Variants in GRB10 observed in about 807,000 individuals in gnomAD.
GRB10 encodes growth factor receptor bound protein 10.
A neutral mutation model predicts 80.9 loss-of-function variants in GRB10; 20 were observed. The ratio of observed to expected loss-of-function variants is 0.25; its 90% CI spans 0.17 to 0.36. The LOEUF is 0.36. Ranked by LOEUF, GRB10 falls within the 10% of genes least tolerant of loss-of-function variation. The probability of loss-of-function intolerance (pLI) is 1.00; values close to 1 mark genes in which losing one functional copy is unlikely to be tolerated. For synonymous variants in GRB10, 291 were observed against 291.5 expected (o/e 1.00, Z 0.02); for missense variants, 548 against 747.7 (o/e 0.73, Z 3.12).
At chr7:50,666,728 C>G (rs2059844067) in intron 7 of GRB10, among the ~76,000 whole-genome samples, 2 of 152,092 alleles carry the variant, frequency 1.3e-5, no homozygotes, top group African/African-American at 4.8e-5. Flanking sequence ...TACGGAGCTA[C>G]CAAGGAGTCA....
chr7:50,608,500 T>C lies in GRB10; in HGVS notation c.1195-2086A>G, dbSNP rs181062853. 4.6e-5 allele frequency among the ~76,000 whole-genome samples: 7 copies of C among 152,240 alleles called. No homozygotes were observed. The East Asian group carries it at 1.2e-3, about 25-fold the overall frequency. ...TTTAGGAAATATTAAAGTGCAAAGA[T>C]GTAGGTGATTAAAGAGTATATAAAA... On this transcript the variant is annotated intron_variant, in intron 13 of 18. Transcript: ENST00000401949.
intron 3 of GRB10, among the ~76,000 whole-genome samples, chr7:50,744,798 C>T (rs943802505): frequency 6.6e-6 from 1 of 152,146 alleles, no homozygotes; most frequent in African/African-American, 2.4e-5. Context: ...TTTGAGCTCA[C>T]AGCAACAGTG....
chr7:50,697,244 T>C (rs1279285321), intron 5 of GRB10, among the ~76,000 whole-genome samples: 2 of 152,252 alleles, frequency 1.3e-5, no homozygotes, highest in Non-Finnish European at 2.9e-5. Context: ...ACTGTTCACA[T>C]GACCAATGCC....
intron 3 of GRB10, among the ~76,000 whole-genome samples, chr7:50,750,802 T>C (rs189619946): frequency 7.0e-4 from 107 of 152,268 alleles, no homozygotes; most frequent in African/African-American, 2.5e-3. Flanking sequence ...GGCAATGAAT[T>C]ACCCTAAGTC....
chr7:50,754,023 A>T (rs936182315), intron 3 of GRB10, among the ~76,000 whole-genome samples: 1 of 152,172 alleles, frequency 6.6e-6, no homozygotes, highest in Non-Finnish European at 1.5e-5. Context: ...CAACAAATCT[A>T]TGTCACCAAT....
intron 7 of GRB10, among the ~76,000 whole-genome samples, chr7:50,638,195 AC>A (rs1322906993): frequency 6.6e-6 from 1 of 152,192 alleles, no homozygotes; most frequent in Non-Finnish European, 1.5e-5. Context: ...CTAGGAAAAA[AC>A]TTTTGGAGTT....
In GRB10 at chr7:50,605,392, C is replaced by T; in HGVS notation, c.1287G>A (p.Glu429=). The part of the protein sequence containing the change: ...PFSTPVRSVS[E]NSLVAMDFSG... ...AAAAATCCATTGCCACGAGGGAGTTCTCGGAGACACTGCGCTGAAAAGGAA... is the reference window on the plus strand; with the variant it reads ...AAAAATCCATTGCCACGAGGGAGTTTTCGGAGACACTGCGCTGAAAAGGAA... The change falls in exon 15 of 19, where the codon GAG becomes GAA. Residue 429 remains glutamate (E), a synonymous_variant. Coordinates refer to ENST00000401949, the MANE Select transcript of GRB10 (RefSeq NM_001350814.2). 6.2e-7 allele frequency: 1 copy of T among 1,613,982 alleles called. No individual in the cohort carries two copies. The highest frequency in any genetic ancestry group is 8.5e-7 in the Non-Finnish European group (1 of 1,179,824).
intron 3 of GRB10, among the ~76,000 whole-genome samples, chr7:50,752,655 C>A (rs2074315501): frequency 6.6e-6 from 1 of 152,154 alleles, no homozygotes; most frequent in African/African-American, 2.4e-5. Flanking sequence ...TGAGAGTTGC[C>A]CTCCTGTGTG....
At chr7:50,728,264 C>T (rs990750433) in intron 4 of GRB10, among the ~76,000 whole-genome samples, 2 of 151,458 alleles carry the variant, frequency 1.3e-5, no homozygotes, top group African/African-American at 4.9e-5. Context: ...ATCACTCTTT[C>T]ACTAAAAATA....
rs569336349 is a variant in GRB10, at chr7:50,791,267, A to C, written c.-294+1957T>G. On this transcript the variant is annotated intron_variant, in intron 1 of 16. Transcript: ENST00000335866. ...AATAAATGTGTATTTAAATGTAAAA[A>C]GTGAGTGAACTAAAAGGAAATATCT... 6.6e-5 allele frequency among the ~76,000 whole-genome samples: 10 copies of C among 152,364 alleles called. No homozygotes were observed. The East Asian group carries it at 1.9e-3, about 29-fold the overall frequency.
chr7:50,711,085 T>C, intron 4 of GRB10: 1 of 638,170 alleles, frequency 1.6e-6, no homozygotes, highest in Non-Finnish European at 2.8e-6. Context: ...TCGAAATGTC[T>C]TCCACCTGGG....
intron 2 of GRB10, among the ~76,000 whole-genome samples, chr7:50,763,050 G>A (rs998058382): frequency 2.0e-5 from 3 of 151,822 alleles, no homozygotes; most frequent in South Asian, 2.1e-4. Flanking sequence ...CCTGGGAGGC[G>A]GAGCTTGCAG....
chr7:50,636,522 G>T (rs915575249), intron 7 of GRB10, among the ~76,000 whole-genome samples: 2 of 152,040 alleles, frequency 1.3e-5, no homozygotes, highest in Non-Finnish European at 2.9e-5. Context: ...ACATTAAAAA[G>T]GTAATACATC....
At chr7:50,671,740 G>A (rs2060374922) in intron 6 of GRB10, among the ~76,000 whole-genome samples, 1 of 152,246 alleles carries the variant, frequency 6.6e-6, no homozygotes, top group African/African-American at 2.4e-5. Context: ...ACCCCAAAAA[G>A]ATAATCTGAC....
intron 7 of GRB10, among the ~76,000 whole-genome samples, chr7:50,660,549 G>A (rs1177097874): frequency 6.6e-6 from 1 of 152,118 alleles, no homozygotes; most frequent in Non-Finnish European, 1.5e-5. Flanking sequence ...CAGCGCTGGA[G>A]CTGGGTTCTG....
chr7:50,612,284 G>A (rs984709835), intron 13 of GRB10, among the ~76,000 whole-genome samples: 5 of 151,928 alleles, frequency 3.3e-5, no homozygotes, highest in Admixed American at 6.6e-5. Flanking sequence ...CTGATTTTTC[G>A]AATCCTATTC....
At chr7:50,698,268 G>A (rs1476007795) in intron 5 of GRB10, among the ~76,000 whole-genome samples, 3 of 152,160 alleles carry the variant, frequency 2.0e-5, no homozygotes, top group East Asian at 3.9e-4. Flanking sequence ...GCTGAAGTGC[G>A]CCTTTCAGCA....
chr7:50,739,517 G>T lies in GRB10; in HGVS notation c.-46-7149C>A, dbSNP rs577821339. 2.4e-4 allele frequency among the ~76,000 whole-genome samples: 37 copies of T among 152,274 alleles called. 1 individual carries two copies. In the South Asian group the frequency reaches 7.7e-3, roughly 32 times the overall value. On this transcript the variant is annotated intron_variant, in intron 3 of 18. Transcript: ENST00000401949. ...AATCCATGCTCACCTTGTCTATCCCGCATGGCATGTGGCTCATCACACATG... is the reference window on the plus strand; with the variant it reads ...AATCCATGCTCACCTTGTCTATCCCTCATGGCATGTGGCTCATCACACATG...
At chr7:50,673,916 T>C (rs1008596683) in intron 6 of GRB10, among the ~76,000 whole-genome samples, 7 of 152,126 alleles carry the variant, frequency 4.6e-5, no homozygotes, top group Non-Finnish European at 7.4e-5. Context: ...GGAACCTCCC[T>C]CAACGTCCCC....
Sources: allele counts gnomAD v4.1 joint callset (sites outside exome capture counted in the v4.1 genomes callset), GRCh38; gene constraint gnomAD v4.1.1; transcripts MANE v1.5; gene names NCBI Gene and HGNC (gene_info 2026-07-23, HGNC 2026-07-21).